ZGRF1: variants seen among roughly 807,000 people sequenced by gnomAD.
ZGRF1 encodes the protein zinc finger GRF-type containing 1.
Under a neutral mutation model 203.5 loss-of-function variants are expected in ZGRF1, and 196 were observed. The ratio of observed to expected loss-of-function variants is 0.96; its 90% CI spans 0.86 to 1.08. The LOEUF is 1.08. Among genes scored for constraint, ZGRF1 ranks in the 50% least tolerant of loss-of-function variants. The pLI, the probability that ZGRF1 is intolerant of heterozygous loss-of-function variation, is 0.00. For missense variants in ZGRF1, 2,326 were observed against 2,416.3 expected, an observed-to-expected ratio of 0.96 and a Z score of 0.78; for synonymous variants, 809 against 841.3, an observed-to-expected ratio of 0.96 and a Z score of 0.66.
At position 112,560,882 on chromosome 4, in the gene ZGRF1, T is replaced by G; in HGVS notation, c.4811A>C (p.Lys1604Thr). The G allele has an allele frequency of 3.7e-6, 6 of 1,613,788 alleles. No individual in the cohort carries two copies. Among genetic ancestry groups the G allele is most frequent in the Non-Finnish European group, 5.1e-6 (6 of 1,179,780 alleles). ...FELLSLGATL[K>T]LASELIQVHK... ...TACCTGAATCAACTCACTAGCTAAC[T>G]TCAATGTTGCTCCTAGGCTGAGTAG... The change falls in exon 19 of 28, where the codon AAG becomes ACG. Residue 1604 changes from lysine (K) to threonine (T), a missense_variant. Coordinates refer to ENST00000505019, the MANE Select transcript of ZGRF1 (RefSeq NM_018392.5).
intron 8 of ZGRF1, among the ~76,000 whole-genome samples, chr4:112,606,698 A>G (rs941343636): frequency 3.4e-4 from 51 of 152,182 alleles, no homozygotes; most frequent in African/African-American, 1.2e-3. Context: ...TGCCAGGTAC[A>G]TAATAAATCA....
rs1400704110 is a variant in ZGRF1, at chr4:112,578,214, T to C, written c.4438+3449A>G. Among the ~76,000 whole-genome samples, 4 of 122,812 alleles carry C rather than the reference T, an allele frequency of 3.3e-5. 1 individual carries two copies. The highest frequency in any genetic ancestry group is 5.5e-5 in the Non-Finnish European group (3 of 54,986). 80.6% of individuals were successfully genotyped at this position (122,812 alleles called of 152,430 possible). On this transcript the variant is annotated intron_variant, in intron 16 of 27. Coordinates refer to ENST00000505019, the MANE Select transcript of ZGRF1 (RefSeq NM_018392.5). ...TCAAAGCAGAAATAAAGATGCTCTTTGAAACCAAAGAGAACAAAGACACAA... is the reference window on the plus strand; with the variant it reads ...TCAAAGCAGAAATAAAGATGCTCTTCGAAACCAAAGAGAACAAAGACACAA...
intron 13 of ZGRF1, among the ~76,000 whole-genome samples, chr4:112,585,991 A>C (rs918243328): frequency 6.6e-6 from 1 of 151,980 alleles, no homozygotes; most frequent in Non-Finnish European, 1.5e-5. Context: ...TAATCAACGC[A>C]CTTTGGGAGG....
At chr4:112,565,585 A>G (rs886986219) in intron 16 of ZGRF1, among the ~76,000 whole-genome samples, 2 of 152,106 alleles carry the variant, frequency 1.3e-5, no homozygotes, top group South Asian at 4.1e-4. Flanking sequence ...GAAAATTTTC[A>G]CAACCTACTC....
At chr4:112,567,824 G>A (rs1743413460) in intron 16 of ZGRF1, among the ~76,000 whole-genome samples, 2 of 152,100 alleles carry the variant, frequency 1.3e-5, no homozygotes, top group African/African-American at 4.8e-5. Flanking sequence ...TAGTCAGAAC[G>A]CTGAGGTGGG....
intron 3 of ZGRF1, chr4:112,629,833 A>C (rs1270690091): frequency 5.3e-6 from 1 of 188,540 alleles, no homozygotes; most frequent in African/African-American, 2.4e-5. Context: ...AGCCTGGCCA[A>C]CATGGTGAAA....
intron 7 of ZGRF1, among the ~76,000 whole-genome samples, chr4:112,610,294 A>G (rs1751389684): frequency 6.6e-6 from 1 of 152,300 alleles, no homozygotes; most frequent in South Asian, 2.1e-4. Flanking sequence ...ATCATGGCCA[A>G]GCACGGAGGC....
chr4:112,620,037 C>T lies in ZGRF1; in HGVS notation c.316G>A (p.Gly106Arg), dbSNP rs1168584664. 3 of 1,604,592 alleles carry T rather than the reference C, an allele frequency of 1.9e-6. No individual in the cohort carries two copies. In the East Asian group the frequency reaches 6.7e-5, roughly 36 times the overall value. The change falls in exon 5 of 28, where the codon GGA (glycine) becomes AGA (arginine). Residue 106 changes from glycine (G) to arginine (R), a missense_variant. Gly to Arg is a moderately radical substitution (Grantham distance 125). Coordinates refer to ENST00000505019, the MANE Select transcript of ZGRF1 (RefSeq NM_018392.5). ...RTFISSGRSL[G>R]CQPSGLKRKF... The stretch of plus-strand genomic sequence containing the variant: ...CTTTTTAAGCCAGAGGGCTGACATC[C>T]AAGAGATCGGCCAGAGGATATAAAT...
Position 112,587,880 on chromosome 4 carries a change from T to C in ZGRF1, c.3177A>G (p.Ser1059=). The C allele has an allele frequency of 6.5e-7, 1 of 1,549,162 alleles. No homozygotes were observed. The highest frequency in any genetic ancestry group is 8.7e-7 in the Non-Finnish European group (1 of 1,146,386). ...SLENENLQRL[S]LLSRTQVPLI... ...GTGGAACCTGGGTTCTACTTAATAA[T>C]GAAAGCCTTTGAAGGTTCTCATTCT... is the stretch of plus-strand genomic sequence containing the variant. The change falls in exon 12 of 28, where the codon TCA becomes TCG. Residue 1059 remains serine (S), a synonymous_variant. Transcript: ENST00000505019.
intron 3 of ZGRF1, chr4:112,630,132 A>T (rs1327961441): frequency 6.4e-6 from 1 of 155,322 alleles, no homozygotes; most frequent in African/African-American, 2.4e-5. Flanking sequence ...ATTTAATAGG[A>T]TTACATAAAT....
At chr4:112,587,999 T>G in intron 11 of ZGRF1, 70 bp from the exon 12 acceptor site, 3 of 1,237,234 alleles carry the variant, frequency 2.4e-6, no homozygotes, top group Non-Finnish European at 3.2e-6. Flanking sequence ...TAGAAAACAG[T>G]GGGTATACAA....
intron 22 of ZGRF1, among the ~76,000 whole-genome samples, chr4:112,549,916 G>A (rs2148845206): frequency 6.6e-6 from 1 of 152,218 alleles, no homozygotes; most frequent in African/African-American, 2.4e-5. Flanking sequence ...GACAAGGCTG[G>A]GCGCAGTGGC....
chr4:112,565,358 A>G, intron 16 of ZGRF1: 1 of 1,157,550 alleles, frequency 8.6e-7, no homozygotes, highest in Non-Finnish European at 1.3e-6. Flanking sequence ...ATGCCAAAAG[A>G]CATCCAGCTA....
At chr4:112,568,465 C>CT (rs1743551735) in intron 16 of ZGRF1, among the ~76,000 whole-genome samples, 1 of 152,040 alleles carries the variant, frequency 6.6e-6, no homozygotes, top group African/African-American at 2.4e-5. Flanking sequence ...AATCCTAGCA[C>CT]TTTGGGAGGC....
rs745808828 is a variant in ZGRF1, at chr4:112,540,870, G to A, written c.5861C>T (p.Ala1954Val). 5.0e-6 allele frequency: 8 copies of A among 1,592,746 alleles called. No homozygotes were observed. Among genetic ancestry groups the A allele is most frequent in the East Asian group, 4.5e-5 (2 of 44,250 alleles). Residue 1954 changes from alanine to valine, a missense_variant, in exon 26 of 28, where the codon GCA becomes GTA. Ala to Val is a moderately conservative substitution (Grantham distance 64). Transcript: ENST00000505019. ...LIQSLIASGI[A>V]GSMIGVITLY... ...TGTTATCACACCAATCATAGAGCCT[G>A]CTATTCCACTTGCAATCAGTGATTG...
intron 11 of ZGRF1, 55 bp downstream of exon 11, chr4:112,589,669 A>C: frequency 6.7e-7 from 1 of 1,500,506 alleles, no homozygotes; most frequent in Non-Finnish European, 9.3e-7. Context: ...CTCTCAAATA[A>C]AAAACTTCAT....
At chr4:112,614,737 G>A (rs1266853495) in intron 6 of ZGRF1, among the ~76,000 whole-genome samples, 2 of 152,066 alleles carry the variant, frequency 1.3e-5, no homozygotes, top group Non-Finnish European at 2.9e-5. Context: ...TGAAGTAGGA[G>A]AATTGCTTAA....
At chr4:112,601,710 CT>C (rs1259636257) in intron 10 of ZGRF1, among the ~76,000 whole-genome samples, 16 of 151,856 alleles carry the variant, frequency 1.1e-4, no homozygotes, top group Non-Finnish European at 1.3e-4. Context: ...GCACTCCAGC[CT>C]GGGTGACAGA....
intron 16 of ZGRF1, among the ~76,000 whole-genome samples, chr4:112,576,029 A>G (rs746505298): frequency 6.6e-5 from 10 of 152,200 alleles, no homozygotes; most frequent in Non-Finnish European, 1.5e-4. Flanking sequence ...GGCACCCCCC[A>G]GTAGGGGCAG....
Sources: allele counts gnomAD v4.1 joint callset (sites outside exome capture counted in the v4.1 genomes callset), GRCh38; gene constraint gnomAD v4.1.1; transcripts MANE v1.5; gene names NCBI Gene and HGNC (gene_info 2026-07-23, HGNC 2026-07-21).